The following MYSM1 variants were observed in gnomAD, a reference collection of about 807,000 sequenced individuals.
The protein encoded by MYSM1 is Myb like, SWIRM and MPN domains 1.
Under a neutral mutation model 116.0 loss-of-function variants are expected in MYSM1, and 51 were observed. The ratio of observed to expected loss-of-function variants is 0.44; its 90% CI spans 0.35 to 0.56. MYSM1 has a LOEUF of 0.56. Ranked by LOEUF, MYSM1 falls within the 20% of genes least tolerant of loss-of-function variation. MYSM1 has a pLI of 0.00. For synonymous variants in MYSM1, 313 were observed against 315.2 expected (o/e 0.99, Z 0.07); for missense variants, 900 against 974.9 (o/e 0.92, Z 1.02).
chr1:58,695,758 A>G lies in MYSM1; in HGVS notation c.69-551T>C, dbSNP rs1213319000. ...AAAAATGTGGTTTTAATAACAACTC[A>G]TATAATTTAAAAAATTAATTTGATT... is the stretch of plus-strand genomic sequence containing the variant. On this transcript the variant is annotated intron_variant, in intron 1 of 19. Transcript: ENST00000472487. Among the ~76,000 whole-genome samples, 3 of 152,206 alleles carry G rather than the reference A, an allele frequency of 2.0e-5. No homozygotes were observed. The East Asian group carries it at 5.8e-4, about 29-fold the overall frequency.
Position 58,673,649 on chromosome 1 carries a change from C to G in MYSM1, c.1496G>C (p.Arg499Pro). The G allele has an allele frequency of 4.3e-6, 7 of 1,613,530 alleles. No homozygotes were observed. Among genetic ancestry groups the G allele is most frequent in the Non-Finnish European group, 5.9e-6 (7 of 1,179,592 alleles). ...GTCTCGGACCCTACGTCTCCTTGTA[C>G]GCTGCGATGAGATTAAAGTAAAGCA... ...YQLAQRLQSMRTRRRRVRDPW... is the reference protein window; with the variant it reads ...YQLAQRLQSMPTRRRRVRDPW... Residue 499 changes from arginine (R) to proline (P), a missense_variant and splice_region_variant, in exon 11 of 20, where the codon CGT (arginine) becomes CCT (proline). By Grantham distance (103) the Arg-to-Pro change is moderately radical. This residue lies in a region of MYSM1 where 622 missense variants were observed against 623.7 expected (regional missense o/e 1.00). Transcript: ENST00000472487.
At position 58,682,211 on chromosome 1, in the gene MYSM1, C is replaced by A; in HGVS notation, c.833G>T (p.Gly278Val). 1 of 1,613,128 alleles carries A rather than the reference C, an allele frequency of 6.2e-7. No individual in the cohort carries two copies. The highest frequency in any genetic ancestry group is 8.5e-7 in the Non-Finnish European group (1 of 1,179,228). The change falls in exon 8 of 20, where the codon GGC becomes GTC. Residue 278 changes from glycine (G) to valine (V), a missense_variant. Physicochemically the swap from Gly to Val is moderately radical, Grantham distance 109. Around this residue, in one of 3 missense-constraint regions of MYSM1, gnomAD observed 622 missense variants for 623.7 expected, o/e 1.00. Transcript: ENST00000472487. Reference sequence around the variant, plus strand: ...ATCTTGCTTTTCATTTTGAAGACAGCCCCTGGAAGACTTAGAAAAGAGAGC... The same window carrying A: ...ATCTTGCTTTTCATTTTGAAGACAGACCCTGGAAGACTTAGAAAAGAGAGC... ...QEALFSKSSR[G>V]CLQNEKQDET...
In MYSM1 at chr1:58,668,637, C is replaced by G; in HGVS notation, c.1762G>C (p.Asp588His). ...ACACAATAGATTATCCTTACCAAAT[C>G]CATTATTAAAAGTGCTTCTGAAGCC... The part of the protein sequence containing the change: ...KVASEALLIM[D>H]LHAHVSMAEV... The change falls in exon 14 of 20, where the codon GAT (aspartate) becomes CAT (histidine). Residue 588 changes from aspartate to histidine, a missense_variant. By Grantham distance (81) the Asp-to-His change is moderately conservative. Coordinates refer to ENST00000472487, the MANE Select transcript of MYSM1 (RefSeq NM_001085487.3). 6.2e-7 allele frequency: 1 copy of G among 1,603,758 alleles called. No homozygotes were observed. The highest frequency in any genetic ancestry group is 8.5e-7 in the Non-Finnish European group (1 of 1,174,958).
intron 11 of MYSM1, among the ~76,000 whole-genome samples, chr1:58,672,230 G>A (rs774988865): frequency 1.4e-4 from 21 of 152,072 alleles, no homozygotes; most frequent in Non-Finnish European, 2.9e-4. Flanking sequence ...GTTCAAAAAC[G>A]TCAGAATCAC....
chr1:58,698,178 G>A (rs1235344616), intron 1 of MYSM1, among the ~76,000 whole-genome samples: 1 of 141,018 alleles, frequency 7.1e-6, no homozygotes, highest in Non-Finnish European at 1.5e-5. Context: ...TCCGCTCACT[G>A]CAAGCTCTGC....
At chr1:58,699,178 G>C (rs557999459) in intron 1 of MYSM1, among the ~76,000 whole-genome samples, 3 of 152,278 alleles carry the variant, frequency 2.0e-5, no homozygotes, top group African/African-American at 7.2e-5. Flanking sequence ...AGTCAAAGGA[G>C]GTTCTGTGTC....
At chr1:58,687,568 C>T (rs560569475) in intron 6 of MYSM1, among the ~76,000 whole-genome samples, 1 of 152,284 alleles carries the variant, frequency 6.6e-6, no homozygotes, top group South Asian at 2.1e-4. Flanking sequence ...AGACCTTTGT[C>T]GAAGTGAAAC....
At chr1:58,698,840 C>T (rs10889110) in intron 1 of MYSM1, among the ~76,000 whole-genome samples, 58,994 of 152,010 alleles carry the variant, frequency 0.39, 11,585 homozygotes, top group Middle Eastern at 0.56. Flanking sequence ...TGAGTTTAAT[C>T]ACCCCTCACG....
chr1:58,679,970 T>C (rs1214809942), intron 8 of MYSM1, among the ~76,000 whole-genome samples: 1 of 145,698 alleles, frequency 6.9e-6, no homozygotes, highest in Non-Finnish European at 1.5e-5. Context: ...GAGGTTGCAG[T>C]GAGCTGAGAT....
intron 6 of MYSM1, among the ~76,000 whole-genome samples, chr1:58,685,601 G>T (rs2206765): frequency 3.3e-5 from 5 of 151,994 alleles, no homozygotes; most frequent in Admixed American, 2.0e-4. Context: ...AAGGGGTACA[G>T]GTTACATTTT....
Position 58,682,662 on chromosome 1 carries a change from C to G in MYSM1, c.499-117G>C, listed in dbSNP as rs1184656800. The G allele has an allele frequency of 3.4e-6, 3 of 878,636 alleles. No individual in the cohort carries two copies. In the East Asian group the frequency reaches 8.4e-5, roughly 25 times the overall value. The allele number at this position is 878,636 out of a possible 1,614,324, so 54.4% of individuals were successfully genotyped here. ...TTAAACTGAATACATGTAAATGGTA[C>G]ATTATACCTCTAATGCGCTTTTCTT... is the stretch of plus-strand genomic sequence containing the variant. On this transcript the variant is annotated intron_variant, in intron 7 of 19. Coordinates refer to ENST00000472487, the MANE Select transcript of MYSM1 (RefSeq NM_001085487.3).
intron 17 of MYSM1, among the ~76,000 whole-genome samples, chr1:58,664,197 TAAA>T (rs1457187380): frequency 6.6e-6 from 1 of 152,190 alleles, no homozygotes; most frequent in Non-Finnish European, 1.5e-5. Context: ...TGTGAGATTA[TAAA>T]ATCAAGTCAG....
intron 17 of MYSM1, among the ~76,000 whole-genome samples, chr1:58,663,344 T>G (rs1486937163): frequency 6.6e-6 from 1 of 152,134 alleles, no homozygotes. Flanking sequence ...ATAGAGAATA[T>G]TTTTATCCAC....
At chr1:58,677,236 C>G (rs1264338218) in intron 8 of MYSM1, among the ~76,000 whole-genome samples, 180 bp from the exon 9 acceptor site, 1 of 152,042 alleles carries the variant, frequency 6.6e-6, no homozygotes, top group Non-Finnish European at 1.5e-5. Flanking sequence ...AATAAAATAT[C>G]CTTAAATGAT....
At chr1:58,699,672 C>G (rs917735586) in intron 1 of MYSM1, 2 of 985,388 alleles carry the variant, frequency 2.0e-6, no homozygotes, top group South Asian at 9.4e-5. Flanking sequence ...TCGATGAGAT[C>G]CTGAAAAGGA....
At position 58,679,752 on chromosome 1, in the gene MYSM1, G is replaced by A. The variant is rs562125028; in HGVS notation, c.1259+2033C>T. ...GGGATGAAAATTGTGAGTCAGCCGG[G>A]CGTGGTGGCTCACACCTGTAATCCC... On this transcript the variant is annotated intron_variant, in intron 8 of 19. Coordinates refer to ENST00000472487, the MANE Select transcript of MYSM1 (RefSeq NM_001085487.3). Among the ~76,000 whole-genome samples the A allele has an allele frequency of 6.4e-4, 97 of 152,296 alleles. 2 individuals carry two copies. In the South Asian group the frequency reaches 0.02, roughly 32 times the overall value.
intron 6 of MYSM1, among the ~76,000 whole-genome samples, chr1:58,688,572 T>A (rs1224823631): frequency 6.6e-6 from 1 of 151,256 alleles, no homozygotes; most frequent in East Asian, 1.9e-4. Context: ...AAAAAAAAAA[T>A]GTTTCTGGTC....
chr1:58,666,998 G>A (rs757979192), intron 16 of MYSM1, 40 bp downstream of exon 16: 6 of 1,217,518 alleles, frequency 4.9e-6, no homozygotes, highest in Non-Finnish European at 7.0e-6. Flanking sequence ...CATTGAGGGG[G>A]TGTGCAACCA....
chr1:58,674,457 C>G (rs1644612685), intron 10 of MYSM1, among the ~76,000 whole-genome samples: 1 of 152,130 alleles, frequency 6.6e-6, no homozygotes, highest in Non-Finnish European at 1.5e-5. Context: ...TATCCAGCAA[C>G]TCTAATTGAT....
Sources: gnomAD v4.1 joint callset for allele counts (sites outside exome capture counted in the v4.1 genomes callset) on GRCh38, gnomAD v4.1.1 for gene constraint, gnomAD v4.1.1 regional missense constraint, MANE v1.5 for transcripts, NCBI Gene and HGNC (gene_info 2026-07-23, HGNC 2026-07-21) for gene names.